SH3GL2: variants seen among roughly 807,000 people sequenced by gnomAD.
SH3GL2 encodes SH3 domain containing GRB2 like 2, endophilin A1.
Under a neutral mutation model 46.0 loss-of-function variants are expected in SH3GL2, and 24 were observed. The ratio of observed to expected loss-of-function variants is 0.52; its 90% CI spans 0.38 to 0.73. The LOEUF (loss-of-function observed/expected upper bound fraction) is 0.73, where lower values mean the gene tolerates loss of function less well. Among genes scored for constraint, SH3GL2 ranks in the 30% least tolerant of loss-of-function variants. SH3GL2 has a pLI of 0.00. For missense variants in SH3GL2, 413 were observed against 424.2 expected (o/e 0.97, Z 0.23); for synonymous variants, 196 against 147.1 (o/e 1.33, Z -2.40).
chr9:17,796,627 A>G lies in SH3GL2; in HGVS notation c.*884A>G, dbSNP rs1824279856. 6.6e-6 allele frequency: 1 copy of G among 152,626 alleles called. No individual in the cohort carries two copies. The highest frequency in any genetic ancestry group is 1.5e-5 in the Non-Finnish European group (1 of 68,042). The allele number at this position is 152,626 out of a possible 1,614,324, so 9.5% of individuals were successfully genotyped here. A position where few individuals can be genotyped will look rare whatever the true frequency, so the allele number is the denominator to read the frequency against. ...TCATGAATCCATTTGGCACAGAGACACAAGGAAGAAAACACTAGTAACCAT... is the reference window on the plus strand; with the variant it reads ...TCATGAATCCATTTGGCACAGAGACGCAAGGAAGAAAACACTAGTAACCAT... On this transcript the variant is annotated 3_prime_UTR_variant, in exon 9 of 9. Coordinates refer to ENST00000380607, the MANE Select transcript of SH3GL2 (RefSeq NM_003026.5).
chr9:17,749,498 A>C (rs1822785408), intron 2 of SH3GL2, among the ~76,000 whole-genome samples: 1 of 152,084 alleles, frequency 6.6e-6, no homozygotes, highest in Non-Finnish European at 1.5e-5. Flanking sequence ...GGCCAATGTC[A>C]TGTCATTAAT....
chr9:17,764,668 C>G (rs933492707), intron 3 of SH3GL2, among the ~76,000 whole-genome samples: 1 of 141,028 alleles, frequency 7.1e-6, no homozygotes, highest in Non-Finnish European at 1.5e-5. Flanking sequence ...TAGATTACTG[C>G]TCCCGGGTGC....
At chr9:17,689,230 C>T (rs989561411) in intron 1 of SH3GL2, among the ~76,000 whole-genome samples, 1 of 151,968 alleles carries the variant, frequency 6.6e-6, no homozygotes, top group Admixed American at 6.6e-5. Flanking sequence ...ATCAGTACTC[C>T]TCAAAACTTT....
At chr9:17,752,008 A>G (rs534161777) in intron 2 of SH3GL2, among the ~76,000 whole-genome samples, 2 of 150,822 alleles carry the variant, frequency 1.3e-5, no homozygotes, top group South Asian at 2.1e-4. Flanking sequence ...ATTAAAGGTA[A>G]TGACCAAGAA....
intron 1 of SH3GL2, among the ~76,000 whole-genome samples, chr9:17,676,438 T>C (rs938869117): frequency 6.6e-6 from 1 of 152,084 alleles, no homozygotes; most frequent in African/African-American, 2.4e-5. Context: ...AAACCCTGTC[T>C]CTACTGAAAA....
At chr9:17,671,554 A>T (rs1407619820) in intron 1 of SH3GL2, among the ~76,000 whole-genome samples, 2 of 152,170 alleles carry the variant, frequency 1.3e-5, no homozygotes, top group Non-Finnish European at 2.9e-5. Flanking sequence ...CCATGGTACG[A>T]TTATCACTCA....
chr9:17,677,953 T>A (rs1313947354), intron 1 of SH3GL2, among the ~76,000 whole-genome samples: 1 of 152,198 alleles, frequency 6.6e-6, no homozygotes, highest in Admixed American at 6.5e-5. Flanking sequence ...ACAAAGGACA[T>A]GAACTCATCA....
chr9:17,625,046 A>G (rs1443083558), intron 1 of SH3GL2, among the ~76,000 whole-genome samples: 2 of 152,152 alleles, frequency 1.3e-5, no homozygotes, highest in African/African-American at 4.8e-5. Flanking sequence ...GGCCTGACAG[A>G]TTGTGTCCCT....
At chr9:17,664,017 C>T (rs75250239) in intron 1 of SH3GL2, among the ~76,000 whole-genome samples, 264 of 152,024 alleles carry the variant, frequency 1.7e-3, no homozygotes, top group African/African-American at 6.0e-3. Context: ...AATACTGAAA[C>T]GTAAAAATGT....
chr9:17,614,658 C>T (rs917967338), intron 1 of SH3GL2, among the ~76,000 whole-genome samples: 6 of 152,134 alleles, frequency 3.9e-5, no homozygotes, highest in African/African-American at 1.4e-4. Context: ...CTGTATATTA[C>T]TACTGTTGTT....
chr9:17,696,542 G>A (rs1284745849), intron 1 of SH3GL2, among the ~76,000 whole-genome samples: 1 of 152,142 alleles, frequency 6.6e-6, no homozygotes, highest in Non-Finnish European at 1.5e-5. Flanking sequence ...CTGGCAAAAG[G>A]TGAAGGGGAA....
intron 1 of SH3GL2, among the ~76,000 whole-genome samples, chr9:17,622,269 CCAAA>C (rs1819159629): frequency 6.6e-6 from 1 of 152,248 alleles, no homozygotes; most frequent in Non-Finnish European, 1.5e-5. Flanking sequence ...CGTAATCCCC[CCAAA>C]CAGTCATCAA....
At chr9:17,674,988 A>T (rs1017372680) in intron 1 of SH3GL2, among the ~76,000 whole-genome samples, 3 of 152,182 alleles carry the variant, frequency 2.0e-5, no homozygotes, top group Non-Finnish European at 4.4e-5. Flanking sequence ...CCACCAGGTT[A>T]CATTGCCAAG....
chr9:17,735,814 A>T (rs1401721473), intron 1 of SH3GL2: 2 of 847,438 alleles, frequency 2.4e-6, no homozygotes, highest in Admixed American at 1.2e-4. Flanking sequence ...GTTAGCAGGT[A>T]GGTGGTGTGG....
intron 1 of SH3GL2, 88 bp from the exon 2 acceptor site, chr9:17,746,978 A>G (rs1438508739): frequency 2.2e-5 from 18 of 832,002 alleles, no homozygotes; most frequent in South Asian, 4.8e-5. Context: ...ATTACATTAG[A>G]TGACATTTGT....
intron 1 of SH3GL2, among the ~76,000 whole-genome samples, chr9:17,687,845 G>T (rs747806010): frequency 3.3e-5 from 5 of 151,978 alleles, no homozygotes; most frequent in Non-Finnish European, 7.4e-5. Context: ...TATTATCTGA[G>T]GCATACAATT....
intron 1 of SH3GL2, among the ~76,000 whole-genome samples, chr9:17,668,372 C>T (rs1215917682): frequency 6.6e-6 from 1 of 152,166 alleles, no homozygotes; most frequent in Non-Finnish European, 1.5e-5. Context: ...TTTGAAACGA[C>T]TGTTCTTTCC....
intron 1 of SH3GL2, among the ~76,000 whole-genome samples, chr9:17,706,353 A>G (rs1270364813): frequency 2.0e-5 from 3 of 152,026 alleles, no homozygotes; most frequent in African/African-American, 7.2e-5. Context: ...ATGTATTTTT[A>G]TGCTTTCCTA....
chr9:17,738,948 C>G (rs1039943029), intron 1 of SH3GL2, among the ~76,000 whole-genome samples: 1 of 152,050 alleles, frequency 6.6e-6, no homozygotes, highest in Non-Finnish European at 1.5e-5. Context: ...ACAGCTATTG[C>G]ATTAGTTTGA....
Sources: gnomAD v4.1 joint callset for allele counts (sites outside exome capture counted in the v4.1 genomes callset) on GRCh38, gnomAD v4.1.1 for gene constraint, MANE v1.5 for transcripts, NCBI Gene and HGNC (gene_info 2026-07-23, HGNC 2026-07-21) for gene names.